Variants in ASAP1 observed in about 807,000 individuals in gnomAD.
The protein encoded by ASAP1 is ArfGAP with SH3 domain, ankyrin repeat and PH domain 1, also known as arf-GAP with SH3 domain, ANK repeat and PH domain-containing protein 1.
A neutral mutation model predicts 145.2 loss-of-function variants in ASAP1; 43 were observed. The ratio of observed to expected loss-of-function variants is 0.30; its 90% CI spans 0.23 to 0.38. The LOEUF (loss-of-function observed/expected upper bound fraction) is 0.38. Ranked by LOEUF, ASAP1 falls within the 10% of genes least tolerant of loss-of-function variation. ASAP1 has a pLI of 1.00. For missense variants in ASAP1, 1,018 were observed against 1,355.3 expected (o/e 0.75, Z 3.91); for synonymous variants, 546 against 515.5 (o/e 1.06, Z -0.80).
At chr8:130,287,832 T>C (rs1336630411) in intron 3 of ASAP1, among the ~76,000 whole-genome samples, 1 of 152,172 alleles carries the variant, frequency 6.6e-6, no homozygotes, top group Non-Finnish European at 1.5e-5. Context: ...TCTATACCCC[T>C]AGCCCTTCCC....
intron 3 of ASAP1, among the ~76,000 whole-genome samples, chr8:130,297,266 C>G (rs994130685): frequency 1.3e-5 from 2 of 152,328 alleles, no homozygotes; most frequent in East Asian, 3.9e-4. Flanking sequence ...GCATCAAAAT[C>G]TGTGTATACT....
intron 2 of ASAP1, among the ~76,000 whole-genome samples, chr8:130,385,620 G>T (rs1451799958): frequency 6.6e-6 from 1 of 152,348 alleles, no homozygotes; most frequent in East Asian, 1.9e-4. Flanking sequence ...CTCTCAGAGG[G>T]AAGTGATTGG....
chr8:130,295,227 G>A (rs190019571), intron 3 of ASAP1, among the ~76,000 whole-genome samples: 117 of 152,270 alleles, frequency 7.7e-4, no homozygotes, highest in African/African-American at 2.8e-3. Context: ...AGGCTACAGT[G>A]AGCCATGATC....
chr8:130,178,231 T>C lies in ASAP1; in HGVS notation c.746+1033A>G, dbSNP rs1014329957. On this transcript the variant is annotated intron_variant, in intron 9 of 29. Transcript: ENST00000518721. ...TTATTTTGCTTATGAGAGCTGTCCA[T>C]TCCATTTCTGGAAGGTCCTTCCATT... Among the ~76,000 whole-genome samples the C allele has an allele frequency of 4.6e-5, 7 of 152,242 alleles. No individual in the cohort carries two copies. The South Asian group carries it at 6.2e-4, about 14-fold the overall frequency.
chr8:130,137,474 G>A (rs2097597715), intron 13 of ASAP1, among the ~76,000 whole-genome samples: 1 of 152,188 alleles, frequency 6.6e-6, no homozygotes, highest in South Asian at 2.1e-4. Flanking sequence ...AGCACCAACA[G>A]TTGGCACTTT....
intron 24 of ASAP1, among the ~76,000 whole-genome samples, chr8:130,104,066 G>A (rs570925525): frequency 6.6e-6 from 1 of 152,034 alleles, no homozygotes; most frequent in Non-Finnish European, 1.5e-5. Flanking sequence ...TCCAGACTGT[G>A]TGCATCCATA....
At chr8:130,393,070 C>CT (rs1311997581) in intron 2 of ASAP1, among the ~76,000 whole-genome samples, 5 of 152,078 alleles carry the variant, frequency 3.3e-5, no homozygotes, top group Non-Finnish European at 1.5e-5. Flanking sequence ...AACTTATCTT[C>CT]TTTTTAATGG....
At chr8:130,185,200 T>C (rs1189091293) in intron 7 of ASAP1, among the ~76,000 whole-genome samples, 1 of 152,192 alleles carries the variant, frequency 6.6e-6, no homozygotes, top group Non-Finnish European at 1.5e-5. Flanking sequence ...TCAGGAAAAT[T>C]GTTGACAGGG....
At chr8:130,155,416 G>C (rs1018060615) in intron 12 of ASAP1, among the ~76,000 whole-genome samples, 11 of 152,326 alleles carry the variant, frequency 7.2e-5, no homozygotes, top group African/African-American at 2.2e-4. Flanking sequence ...ACCCAGGCTA[G>C]AGTGCAGTGG....
intron 3 of ASAP1, among the ~76,000 whole-genome samples, chr8:130,240,400 G>A (rs1818452885): frequency 6.6e-6 from 1 of 152,076 alleles, no homozygotes; most frequent in Non-Finnish European, 1.5e-5. Flanking sequence ...AGGGGATACT[G>A]TCCTTCAATC....
intron 3 of ASAP1, among the ~76,000 whole-genome samples, chr8:130,312,453 GAA>G (rs34344345): frequency 4.6e-5 from 7 of 150,990 alleles, no homozygotes; most frequent in East Asian, 2.0e-4. Context: ...AAAAGGAGGG[GAA>G]AAAAAACCCA....
intron 1 of ASAP1, among the ~76,000 whole-genome samples, chr8:130,421,147 C>A (rs1362598665): frequency 6.6e-6 from 1 of 152,196 alleles, no homozygotes; most frequent in Non-Finnish European, 1.5e-5. Context: ...TCCTCCCCTC[C>A]TACCAGCAAC....
intron 3 of ASAP1, among the ~76,000 whole-genome samples, chr8:130,283,788 G>A (rs991848769): frequency 3.9e-5 from 6 of 152,052 alleles, no homozygotes; most frequent in African/African-American, 1.4e-4. Context: ...TAGAAAATCA[G>A]ATTTGGTTGA....
intron 1 of ASAP1, among the ~76,000 whole-genome samples, chr8:130,422,453 G>A (rs191356629): frequency 8.5e-5 from 13 of 152,250 alleles, no homozygotes; most frequent in African/African-American, 2.9e-4. Context: ...ACGCTTCCTG[G>A]CTCCTGCTCC....
intron 3 of ASAP1, among the ~76,000 whole-genome samples, chr8:130,317,242 A>G (rs185993239): frequency 1.3e-5 from 2 of 152,298 alleles, no homozygotes; most frequent in Admixed American, 6.5e-5. Flanking sequence ...GTGAGGGTTC[A>G]TTTTATTTTT....
At chr8:130,342,143 T>C (rs1002920603) in intron 3 of ASAP1, among the ~76,000 whole-genome samples, 4 of 152,092 alleles carry the variant, frequency 2.6e-5, no homozygotes, top group African/African-American at 7.2e-5. Flanking sequence ...GAAAAGAGAA[T>C]GTCCTGAGAC....
intron 4 of ASAP1, among the ~76,000 whole-genome samples, chr8:130,236,472 T>A (rs1818220407): frequency 6.6e-6 from 1 of 152,168 alleles, no homozygotes; most frequent in Non-Finnish European, 1.5e-5. Context: ...TTCACAGGTC[T>A]GTTGAGGTCT....
intron 3 of ASAP1, among the ~76,000 whole-genome samples, chr8:130,343,800 C>T (rs1038352655): frequency 6.6e-6 from 1 of 152,130 alleles, no homozygotes; most frequent in African/African-American, 2.4e-5. Context: ...GGGAGGGAAA[C>T]ATTTAATACA....
chr8:130,299,175 A>G (rs1171198761), intron 3 of ASAP1, among the ~76,000 whole-genome samples: 1 of 152,160 alleles, frequency 6.6e-6, no homozygotes, highest in Non-Finnish European at 1.5e-5. Context: ...TGAGTACACA[A>G]GCGGATAACA....
Sources: allele counts gnomAD v4.1 joint callset (sites outside exome capture counted in the v4.1 genomes callset), GRCh38; gene constraint gnomAD v4.1.1; transcripts MANE v1.5; gene names NCBI Gene and HGNC (gene_info 2026-07-23, HGNC 2026-07-21).